LARGE1: variants seen among roughly 807,000 people sequenced by gnomAD.
LARGE1 encodes LARGE xylosyl- and glucuronyltransferase 1.
Under a neutral mutation model 87.6 loss-of-function variants are expected in LARGE1, and 43 were observed. The ratio of observed to expected loss-of-function variants is 0.49; its 90% CI spans 0.38 to 0.63. LARGE1 has a LOEUF of 0.63. LARGE1 is among the 30% of genes least tolerant of loss of function. The probability of loss-of-function intolerance (pLI) is 0.00; values close to 1 mark genes in which losing one functional copy is unlikely to be tolerated. For synonymous variants in LARGE1, 434 were observed against 394.6 expected (o/e 1.10, Z -1.18); for missense variants, 802 against 1,000.2 (o/e 0.80, Z 2.67).
At chr22:33,911,005 G>A (rs1398402903) in intron 1 of LARGE1, among the ~76,000 whole-genome samples, 4 of 152,230 alleles carry the variant, frequency 2.6e-5, no homozygotes, top group Non-Finnish European at 4.4e-5. Flanking sequence ...TTGCACAAGC[G>A]TCAGTTTCCA....
intron 6 of LARGE1, among the ~76,000 whole-genome samples, chr22:33,559,848 C>T (rs1362912367): frequency 6.6e-6 from 1 of 152,114 alleles, no homozygotes. Flanking sequence ...TTTCTCGAAT[C>T]CTGTGAAAAC....
the LARGE1 span, among the ~76,000 whole-genome samples, chr22:33,155,092 A>G: frequency 6.6e-6 from 1 of 152,210 alleles, no homozygotes; most frequent in African/African-American, 2.4e-5. Context: ...TAAATGGCCC[A>G]GTCTAGGTAT....
the LARGE1 span, among the ~76,000 whole-genome samples, chr22:33,098,496 C>T: frequency 6.6e-6 from 1 of 152,066 alleles, no homozygotes; most frequent in African/African-American, 2.4e-5. Context: ...TGGCGGGCGC[C>T]TGTAGTCCCA....
At chr22:33,394,596 A>T (rs1168000345) in intron 7 of LARGE1, among the ~76,000 whole-genome samples, 1 of 152,176 alleles carries the variant, frequency 6.6e-6, no homozygotes, top group Non-Finnish European at 1.5e-5. Flanking sequence ...CCTCCATTTT[A>T]CAGATGAAGA....
intron 6 of LARGE1, among the ~76,000 whole-genome samples, chr22:33,443,779 T>C (rs1343250208): frequency 2.6e-5 from 4 of 152,336 alleles, no homozygotes; most frequent in African/African-American, 7.2e-5. Context: ...CCTTCCGTGA[T>C]CTTTGGTCTT....
chr22:33,464,670 G>T lies in LARGE1; in HGVS notation c.788-32405C>A, dbSNP rs141002942. Among the ~76,000 whole-genome samples the T allele has an allele frequency of 3.1e-3, 466 of 152,280 alleles. 3 individuals carry two copies. Among genetic ancestry groups the T allele is most frequent in the South Asian group, 0.022 (104 of 4,830 alleles). ...TAATATCTCAGGTATCATTCTTCTA[G>T]ATTGGAAAAGATCGTAAAATGTGAA... is the stretch of plus-strand genomic sequence containing the variant. On this transcript the variant is annotated intron_variant, in intron 6 of 14. Coordinates refer to ENST00000397394, the MANE Select transcript of LARGE1 (RefSeq NM_133642.5).
At chr22:33,265,969 T>C (rs1365531165) in intron 11 of LARGE1, among the ~76,000 whole-genome samples, 1 of 152,176 alleles carries the variant, frequency 6.6e-6, no homozygotes, top group Non-Finnish European at 1.5e-5. Context: ...TGAGAAGCAC[T>C]GGTACAGGCC....
intron 2 of LARGE1, among the ~76,000 whole-genome samples, chr22:33,742,572 C>T (rs951783029): frequency 2.6e-5 from 4 of 152,184 alleles, no homozygotes; most frequent in Admixed American, 6.5e-5. Flanking sequence ...GCCAGCAAGT[C>T]GCAGCATCAG....
chr22:33,830,163 C>A (rs1033152081), intron 1 of LARGE1, among the ~76,000 whole-genome samples: 4 of 152,060 alleles, frequency 2.6e-5, no homozygotes, highest in Non-Finnish European at 5.9e-5. Context: ...ACCGTGACAC[C>A]CAAGGCCTGA....
intron 2 of LARGE1, among the ~76,000 whole-genome samples, chr22:33,679,042 C>T (rs1447563320): frequency 1.3e-5 from 2 of 152,146 alleles, no homozygotes; most frequent in Non-Finnish European, 2.9e-5. Context: ...ACCCCAGAAT[C>T]GGCCACCTGC....
chr22:33,796,767 C>CTT lies in LARGE1; in HGVS notation c.-82-35211_-82-35210dup, dbSNP rs35532520. On this transcript the variant is annotated intron_variant, in intron 1 of 14. Transcript: ENST00000397394. ...TAAAGGTGACACAGTAAGACTTGGG[C>CTT]TTTTTTTTTTTTTTTTTTTTTTCCC... Among the ~76,000 whole-genome samples the CTT allele has an allele frequency of 2.6e-3, 273 of 106,004 alleles. 2 individuals are homozygous for CTT. The highest frequency in any genetic ancestry group is 7.5e-3 in the African/African-American group (198 of 26,492). The allele number at this position is 106,004 out of a possible 152,430, so 69.5% of individuals were successfully genotyped here. A position where few individuals can be genotyped will look rare whatever the true frequency, so the allele number is the denominator to read the frequency against.
intron 11 of LARGE1, among the ~76,000 whole-genome samples, chr22:33,176,194 A>G (rs1922860602): frequency 6.6e-6 from 1 of 152,232 alleles, no homozygotes; most frequent in Admixed American, 6.5e-5. Context: ...CTAAAACCAT[A>G]AAAACCCTAG....
At chr22:33,237,083 T>TG (rs1926290180) in intron 11 of LARGE1, among the ~76,000 whole-genome samples, 1 of 152,210 alleles carries the variant, frequency 6.6e-6, no homozygotes, top group African/African-American at 2.4e-5. Context: ...ATCCTTCCAC[T>TG]ATATCCCTCT....
chr22:33,370,138 T>G (rs1229973164), intron 9 of LARGE1, among the ~76,000 whole-genome samples: 3 of 152,138 alleles, frequency 2.0e-5, no homozygotes. Context: ...TTATGAAGGT[T>G]AGGCTCTCAG....
Position 33,264,043 on chromosome 22 carries a change from C to T in LARGE1, c.1730+40186G>A, listed in dbSNP as rs1211190309. Among the ~76,000 whole-genome samples, 10 of 152,278 alleles carry T rather than the reference C, an allele frequency of 6.6e-5. No homozygotes were observed. The East Asian group carries it at 1.4e-3, about 21-fold the overall frequency. On this transcript the variant is annotated intron_variant, in intron 11 of 11. Coordinates refer to the LARGE1 transcript ENST00000608642. ...TACCATAGAACTTACTAAATGTAAACGCTTAGAACTATGACTGAAGCATAG... is the reference window on the plus strand; with the variant it reads ...TACCATAGAACTTACTAAATGTAAATGCTTAGAACTATGACTGAAGCATAG...
At chr22:33,574,686 TTGTGTGTG>T (rs3986017) in intron 5 of LARGE1, among the ~76,000 whole-genome samples, 7,260 of 143,916 alleles carry the variant, frequency 0.05, 246 homozygotes, top group South Asian at 0.097. Flanking sequence ...ATATAAACAA[TTGTGTGTG>T]TGTGTGTGTG....
At chr22:33,077,870 A>C in the LARGE1 span, among the ~76,000 whole-genome samples, 6 of 151,950 alleles carry the variant, frequency 3.9e-5, no homozygotes, top group Admixed American at 2.0e-4. Flanking sequence ...CATTTCACTT[A>C]TACACTGAGT....
At chr22:33,698,073 A>AT (rs1320080594) in intron 2 of LARGE1, among the ~76,000 whole-genome samples, 1 of 151,952 alleles carries the variant, frequency 6.6e-6, no homozygotes, top group Non-Finnish European at 1.5e-5. Context: ...ACCCTTACTT[A>AT]TTTTTTATTT....
At chr22:33,517,438 C>G (rs2071364586) in intron 6 of LARGE1, among the ~76,000 whole-genome samples, 1 of 152,184 alleles carries the variant, frequency 6.6e-6, no homozygotes, top group Admixed American at 6.5e-5. Context: ...CTCTGTTGCC[C>G]AGGCTGGAGT....
Sources: allele counts gnomAD v4.1 joint callset (sites outside exome capture counted in the v4.1 genomes callset), GRCh38; gene constraint gnomAD v4.1.1; transcripts MANE v1.5; gene names NCBI Gene and HGNC (gene_info 2026-07-23, HGNC 2026-07-21).